RASGRP3: variants seen among roughly 807,000 people sequenced by gnomAD.
RASGRP3 encodes the protein ras guanyl-releasing protein 3.
In RASGRP3, 54 loss-of-function variants were observed where a neutral mutation model predicts 82.7. The observed-to-expected ratio is 0.65, with a 90% CI of 0.52 to 0.82. The LOEUF (loss-of-function observed/expected upper bound fraction) is 0.82. Ranked by LOEUF, RASGRP3 falls within the 40% of genes least tolerant of loss-of-function variation. RASGRP3 has a pLI of 0.00. For synonymous variants in RASGRP3, 309 were observed against 300.5 expected (o/e 1.03, Z -0.29); for missense variants, 861 against 828.9 (o/e 1.04, Z -0.48).
At chr2:33,511,066 A>G (rs961161984) in intron 1 of RASGRP3, among the ~76,000 whole-genome samples, 2 of 152,202 alleles carry the variant, frequency 1.3e-5, no homozygotes, top group Admixed American at 6.5e-5. Context: ...ACAAAACTCT[A>G]TTGCCCTTTA....
intron 2 of RASGRP3, among the ~76,000 whole-genome samples, chr2:33,462,099 G>A (rs1666401313): frequency 6.6e-6 from 1 of 152,090 alleles, no homozygotes; most frequent in Non-Finnish European, 1.5e-5. Flanking sequence ...GATGGATTTG[G>A]TATCAAATTA....
upstream of RASGRP3, among the ~76,000 whole-genome samples, chr2:33,472,133 C>G (rs1667091344): frequency 2.0e-5 from 3 of 151,930 alleles, no homozygotes; most frequent in Admixed American, 1.3e-4. Context: ...TTTAATTATT[C>G]ATTTATTCAT....
chr2:33,446,881 C>T (rs62147116), intron 1 of RASGRP3, among the ~76,000 whole-genome samples: 1 of 151,822 alleles, frequency 6.6e-6, no homozygotes, highest in Non-Finnish European at 1.5e-5. Context: ...CGGTGGCTCA[C>T]TCCTGTAATC....
At chr2:33,546,402 G>A (rs566123432) in intron 13 of RASGRP3, among the ~76,000 whole-genome samples, 6 of 145,968 alleles carry the variant, frequency 4.1e-5, no homozygotes, top group Non-Finnish European at 6.0e-5. Flanking sequence ...CAGCCTGGAC[G>A]ACAGAGCAAG....
Position 33,524,562 on chromosome 2 carries a change from G to C in RASGRP3, c.807+14G>C, listed in dbSNP as rs768450432. 1 of 1,529,302 alleles carries C rather than the reference G, an allele frequency of 6.5e-7. No individual in the cohort carries two copies. The highest frequency in any genetic ancestry group is 1.2e-5 in the South Asian group (1 of 82,052). The allele number at this position is 1,529,302 out of a possible 1,614,324, so 94.7% of individuals were successfully genotyped here. ...GAAGTTACAAAGGTATAGTAGACTT[G>C]ATCCTAATCAAAAGTAAAAAAATGC... On this transcript the variant is annotated intron_variant, in intron 9 of 17. Transcript: ENST00000403687.
intron 11 of RASGRP3, 127 bp downstream of exon 11, chr2:33,534,527 C>A (rs1673414700): frequency 2.7e-6 from 2 of 729,324 alleles, no homozygotes; most frequent in Non-Finnish European, 4.5e-6. Context: ...ATTATTCTTT[C>A]TTTTTCTTTT....
At chr2:33,437,441 C>T (rs1664986507) in intron 1 of RASGRP3, among the ~76,000 whole-genome samples, 1 of 152,228 alleles carries the variant, frequency 6.6e-6, no homozygotes, top group South Asian at 2.1e-4. Context: ...ATAATAACCA[C>T]ATTTGTGTCT....
At position 33,558,920 on chromosome 2, in the gene RASGRP3, A is replaced by T. The variant is rs1553367245; in HGVS notation, c.1954A>T (p.Lys652Ter). 1 of 1,614,050 alleles carries T rather than the reference A, an allele frequency of 6.2e-7. No homozygotes were observed. ...DKAAKDKGFA[K>*]WENEKPRVHA... The stretch of plus-strand genomic sequence containing the variant: ...AGCAGCAAAGGACAAAGGCTTTGCC[A>T]AATGGGAAAATGAGAAGCCCAGGGT... The change falls in exon 17 of 18, where the codon AAA (lysine) becomes TAA (stop). Residue 652 changes from lysine to a stop codon, truncating the protein, a stop_gained. Coordinates refer to ENST00000403687, the MANE Select transcript of RASGRP3 (RefSeq NM_001139488.2). LOFTEE classifies it high-confidence loss of function.
At chr2:33,546,316 G>A (rs561345339) in intron 13 of RASGRP3, among the ~76,000 whole-genome samples, 7 of 151,880 alleles carry the variant, frequency 4.6e-5, no homozygotes, top group South Asian at 4.2e-4. Context: ...CCAGCTACTC[G>A]GGAGGCTGAG....
Position 33,524,078 on chromosome 2 carries a change from C to G in RASGRP3, c.690+26C>G, listed in dbSNP as rs41369046. ...GTATGTCTGGTAATCAGACTGGGTT[C>G]TTGAGTTCTAGATGTTCGTTCACTC... On this transcript the variant is annotated intron_variant, in intron 8 of 17. Transcript: ENST00000403687. The G allele has an allele frequency of 3.1e-3, 4,972 of 1,606,690 alleles. 157 individuals are homozygous for G. The African/African-American group carries it at 0.059, about 19-fold the overall frequency.
Position 33,521,947 on chromosome 2 carries a change from T to A in RASGRP3, c.369-8T>A. On this transcript the variant is annotated splice_region_variant and splice_polypyrimidine_tract_variant and intron_variant, in intron 6 of 17. Transcript: ENST00000403687. ...AACACATTGACCGGACTCACTCTTCTTTTATAGTCCTTCCTATGACTGGAT... is the reference window on the plus strand; with the variant it reads ...AACACATTGACCGGACTCACTCTTCATTTATAGTCCTTCCTATGACTGGAT... 6.2e-7 allele frequency: 1 copy of A among 1,602,958 alleles called. No individual in the cohort carries two copies. Among genetic ancestry groups the A allele is most frequent in the Non-Finnish European group, 8.5e-7 (1 of 1,176,952 alleles).
intron 11 of RASGRP3, 91 bp from the exon 12 acceptor site, chr2:33,539,002 GC>G (rs1162768141): frequency 1.2e-6 from 1 of 857,994 alleles, no homozygotes; most frequent in Admixed American, 2.5e-5. Flanking sequence ...TTACACCACT[GC>G]ACTCCAGCCT....
intron 1 of RASGRP3, among the ~76,000 whole-genome samples, chr2:33,478,141 C>T (rs572655094): frequency 2.6e-5 from 4 of 152,228 alleles, no homozygotes; most frequent in Non-Finnish European, 4.4e-5. Context: ...TCTTGAGTAC[C>T]GCACCAACCA....
At chr2:33,535,693 T>C (rs748902788) in intron 11 of RASGRP3, among the ~76,000 whole-genome samples, 3 of 152,292 alleles carry the variant, frequency 2.0e-5, no homozygotes, top group Non-Finnish European at 2.9e-5. Context: ...CTCCTGGAAA[T>C]ACTGCAGAAC....
chr2:33,465,579 T>G lies in RASGRP3; in HGVS notation c.-261+17636T>G, dbSNP rs75796609. Among the ~76,000 whole-genome samples, 634 of 152,342 alleles carry G rather than the reference T, an allele frequency of 4.2e-3. 2 individuals carry two copies. The highest frequency in any genetic ancestry group is 0.014 in the African/African-American group (598 of 41,584). On this transcript the variant is annotated intron_variant, in intron 2 of 18. Coordinates refer to the RASGRP3 transcript ENST00000402538. ...AAGTACAAAATGAAATCTTAAGTGC[T>G]GATGGAGAAACTGCAGCAAGTTATC...
intron 2 of RASGRP3, among the ~76,000 whole-genome samples, chr2:33,454,394 G>C (rs1000236680): frequency 2.0e-5 from 3 of 152,194 alleles, no homozygotes; most frequent in Non-Finnish European, 2.9e-5. Context: ...TTTAAATATA[G>C]AGCATAAGAC....
chr2:33,499,774 AGAG>A (rs1343683579), intron 1 of RASGRP3, among the ~76,000 whole-genome samples: 1 of 119,644 alleles, frequency 8.4e-6, no homozygotes, highest in African/African-American at 5.1e-5. Context: ...AAAAAAAAAA[AGAG>A]AGGATAAGAT....
At chr2:33,495,574 A>C (rs1192485661) in intron 1 of RASGRP3, among the ~76,000 whole-genome samples, 1 of 152,076 alleles carries the variant, frequency 6.6e-6, no homozygotes, top group Non-Finnish European at 1.5e-5. Flanking sequence ...ATAATGATGT[A>C]ATGAGTGAAA....
chr2:33,467,374 G>A (rs1357388840), intron 2 of RASGRP3, among the ~76,000 whole-genome samples: 1 of 152,128 alleles, frequency 6.6e-6, no homozygotes, highest in Non-Finnish European at 1.5e-5. Context: ...GTGACTGGGT[G>A]CTTACCCTGG....
Sources: allele counts gnomAD v4.1 joint callset (sites outside exome capture counted in the v4.1 genomes callset), GRCh38; gene constraint gnomAD v4.1.1; transcripts MANE v1.5; gene names NCBI Gene and HGNC (gene_info 2026-07-23, HGNC 2026-07-21).